Variants in ETNK1 observed in about 807,000 individuals in gnomAD.
ETNK1 encodes the protein ethanolamine kinase 1, also known as putative protein product of Nbla10396.
A neutral mutation model predicts 45.1 loss-of-function variants in ETNK1; 8 were observed. That is an observed-to-expected ratio of 0.18 (90% confidence interval 0.10 to 0.32). The LOEUF is 0.32. Ranked by LOEUF, ETNK1 falls within the 10% of genes least tolerant of loss-of-function variation. ETNK1 has a pLI of 1.00. For synonymous variants in ETNK1, 152 were observed against 151.9 expected (o/e 1.00, Z -0.01); for missense variants, 302 against 430.6 (o/e 0.70, Z 2.64).
At chr12:22,628,044 G>T (rs1953528344) in intron 1 of ETNK1, among the ~76,000 whole-genome samples, 1 of 152,008 alleles carries the variant, frequency 6.6e-6, no homozygotes, top group African/African-American at 2.4e-5. Context: ...TAAAGGAGAT[G>T]GTGAGGTTTT....
intron 2 of ETNK1, 185 bp downstream of exon 2, chr12:22,644,207 G>T: frequency 6.3e-7 from 1 of 1,587,066 alleles, no homozygotes; most frequent in Non-Finnish European, 8.6e-7. Context: ...CTTTATATTT[G>T]CAGTTTATCA....
chr12:22,658,918 G>A lies in ETNK1; in HGVS notation c.417-96G>A, dbSNP rs12306607. On this transcript the variant is annotated intron_variant, in intron 2 of 7. Transcript: ENST00000266517. ...CACAGGTAGGTCTACAAGAAGATTC[G>A]GGAGACTGACTAAAGTTTCATCAAG... 12,387 of 1,289,304 alleles carry A rather than the reference G, an allele frequency of 9.6e-3. 902 individuals carry two copies. In the African/African-American group the frequency reaches 0.16, roughly 17 times the overall value. The allele number at this position is 1,289,304 out of a possible 1,614,324, so 79.9% of individuals were successfully genotyped here. A position where few individuals can be genotyped will look rare whatever the true frequency, so the allele number is the denominator to read the frequency against.
intron 6 of ETNK1, among the ~76,000 whole-genome samples, chr12:22,674,960 T>C (rs562342591): frequency 6.6e-6 from 1 of 152,340 alleles, no homozygotes; most frequent in African/African-American, 2.4e-5. Flanking sequence ...AAAAATGCAC[T>C]CTTTCAAAAT....
chr12:22,628,361 A>G (rs936486217), intron 1 of ETNK1, among the ~76,000 whole-genome samples: 2 of 152,080 alleles, frequency 1.3e-5, no homozygotes, highest in African/African-American at 4.8e-5. Flanking sequence ...TAATTTCTTA[A>G]AAGCTTTGGC....
chr12:22,653,019 G>A (rs1353259005), intron 2 of ETNK1, among the ~76,000 whole-genome samples: 1 of 152,072 alleles, frequency 6.6e-6, no homozygotes, highest in East Asian at 1.9e-4. Flanking sequence ...CATATATGGT[G>A]TAAGGAAAGG....
chr12:22,664,900 A>G (rs1002504516), intron 4 of ETNK1, among the ~76,000 whole-genome samples: 1 of 152,178 alleles, frequency 6.6e-6, no homozygotes, highest in Non-Finnish European at 1.5e-5. Flanking sequence ...CATCAAGCTC[A>G]GTATTTGTCT....
intron 2 of ETNK1, among the ~76,000 whole-genome samples, chr12:22,651,387 C>G (rs1953872542): frequency 6.6e-6 from 1 of 152,174 alleles, no homozygotes; most frequent in South Asian, 2.1e-4. Context: ...ACTGGCACAG[C>G]TGCTGGCATT....
chr12:22,638,174 G>C (rs1329309423), intron 1 of ETNK1, among the ~76,000 whole-genome samples: 5 of 152,002 alleles, frequency 3.3e-5, no homozygotes, highest in Admixed American at 1.3e-4. Context: ...GGGATACATG[G>C]CCACATAATC....
intron 2 of ETNK1, 151 bp downstream of exon 2, chr12:22,644,173 C>T: frequency 6.5e-7 from 1 of 1,538,612 alleles, no homozygotes; most frequent in East Asian, 2.3e-5. Flanking sequence ...TTCTTGTTTT[C>T]CCTAAAAAGA....
At chr12:22,646,211 C>T (rs1277405844) in intron 2 of ETNK1, among the ~76,000 whole-genome samples, 2 of 151,740 alleles carry the variant, frequency 1.3e-5, no homozygotes, top group Non-Finnish European at 3.0e-5. Context: ...TTAAGCAGGT[C>T]TTAGTCACTA....
At chr12:22,655,328 G>GTT (rs10586779) in intron 2 of ETNK1, among the ~76,000 whole-genome samples, 6 of 122,784 alleles carry the variant, frequency 4.9e-5, no homozygotes, top group African/African-American at 1.2e-4. Flanking sequence ...GGGTTTGTTT[G>GTT]TTTTTTTTTT....
intron 6 of ETNK1, among the ~76,000 whole-genome samples, chr12:22,675,419 G>T (rs979408283): frequency 6.6e-6 from 1 of 151,790 alleles, no homozygotes; most frequent in Non-Finnish European, 1.5e-5. Flanking sequence ...GCAGTGGTAC[G>T]ATCATAGCTC....
intron 6 of ETNK1, among the ~76,000 whole-genome samples, chr12:22,677,632 G>T (rs1002902671): frequency 2.0e-5 from 3 of 152,088 alleles, no homozygotes; most frequent in African/African-American, 4.8e-5. Flanking sequence ...TTTATTCTTC[G>T]TATCTATGAG....
At chr12:22,636,292 T>A (rs1473397433) in intron 1 of ETNK1, among the ~76,000 whole-genome samples, 2 of 152,228 alleles carry the variant, frequency 1.3e-5, no homozygotes, top group Admixed American at 6.5e-5. Flanking sequence ...TAAAAAAAAA[T>A]GAGGTCTTGG....
chr12:22,667,511 T>C (rs1430188531), intron 4 of ETNK1, among the ~76,000 whole-genome samples: 1 of 152,194 alleles, frequency 6.6e-6, no homozygotes, highest in African/African-American at 2.4e-5. Flanking sequence ...ATGAGTGCTC[T>C]GGTGAAGGGG....
rs1954242162 is a variant in ETNK1 at position 22,684,533 on chromosome 12, C to T, written c.996C>T (p.Ser332=). 6.2e-7 allele frequency: 1 copy of T among 1,609,046 alleles called. No homozygotes were observed. The highest frequency in any genetic ancestry group is 1.7e-5 in the Admixed American group (1 of 59,712). The change falls in exon 7 of 8, where the codon TCC becomes TCT. Residue 332 remains serine (S), a synonymous_variant. Transcript: ENST00000266517. ...GGGCTTTGATTCAAGCCAAATACTC[C>T]ACTATTGAGTTTGATTTCCTTGGGT... ...GLWALIQAKY[S]TIEFDFLGYA... is the part of the protein sequence containing the mutation.
chr12:22,649,918 T>C (rs967497918), intron 2 of ETNK1, among the ~76,000 whole-genome samples: 1 of 152,102 alleles, frequency 6.6e-6, no homozygotes, highest in Non-Finnish European at 1.5e-5. Context: ...CTTGGCAGTA[T>C]TGAGTCTTTT....
chr12:22,667,554 T>C (rs117931633), intron 4 of ETNK1, among the ~76,000 whole-genome samples: 408 of 152,268 alleles, frequency 2.7e-3, no homozygotes, highest in Non-Finnish European at 4.8e-3. Flanking sequence ...GCGTGAAGAT[T>C]AAAGGGAAAG....
chr12:22,630,055 G>A (rs1953554987), intron 1 of ETNK1, among the ~76,000 whole-genome samples: 1 of 152,168 alleles, frequency 6.6e-6, no homozygotes, highest in African/African-American at 2.4e-5. Flanking sequence ...CATGTAACTT[G>A]GACTACACAA....
Sources: allele counts gnomAD v4.1 joint callset (sites outside exome capture counted in the v4.1 genomes callset), GRCh38; gene constraint gnomAD v4.1.1; transcripts MANE v1.5; gene names NCBI Gene and HGNC (gene_info 2026-07-23, HGNC 2026-07-21).